Variants in RAD51C observed in about 807,000 individuals in gnomAD.
RAD51C encodes DNA repair protein RAD51 homolog 3.
In RAD51C, 42 loss-of-function variants were observed where a neutral mutation model predicts 45.0. The ratio of observed to expected loss-of-function variants is 0.93; its 90% CI spans 0.73 to 1.21. RAD51C has a LOEUF of 1.21. RAD51C is among the 50% of genes most tolerant of loss of function. RAD51C has a pLI of 0.00. For missense variants in RAD51C, 474 were observed against 452.2 expected (o/e 1.05, Z -0.44); for synonymous variants, 172 against 159.8 (o/e 1.08, Z -0.58).
At chr17:58,692,906 C>T (rs1043707871) in intron 1 of RAD51C, 118 bp downstream of exon 1, 5 of 1,463,034 alleles carry the variant, frequency 3.4e-6, no homozygotes, top group Admixed American at 3.5e-5. Context: ...CCTCCCACGT[C>T]CATGTTTACA....
chr17:58,713,216 A>G (rs2048618911), intron 5 of RAD51C, among the ~76,000 whole-genome samples: 1 of 152,190 alleles, frequency 6.6e-6, no homozygotes, highest in African/African-American at 2.4e-5. Context: ...TATTGTGAAC[A>G]TCTTTCCATG....
intron 5 of RAD51C, among the ~76,000 whole-genome samples, chr17:58,713,774 C>T (rs2048636946): frequency 6.6e-6 from 1 of 152,074 alleles, no homozygotes; most frequent in Non-Finnish European, 1.5e-5. Flanking sequence ...CACTGTTGCA[C>T]TCCAGCCTGG....
intron 5 of RAD51C, among the ~76,000 whole-genome samples, chr17:58,717,317 C>G (rs576158453): frequency 6.6e-6 from 1 of 152,272 alleles, no homozygotes; most frequent in African/African-American, 2.4e-5. Flanking sequence ...ATAGTTCTAG[C>G]TACTGGGGAA....
At chr17:58,694,224 AC>A (rs28363302) in intron 1 of RAD51C, 22,185 of 152,214 alleles carry the variant, frequency 0.15, 2,491 homozygotes, top group East Asian at 0.31. Flanking sequence ...TTAAAGTTGT[AC>A]CTTGTTTTAG....
chr17:58,703,247 TTTA>T lies in RAD51C; in HGVS notation c.629_631del (p.Tyr210del). The T allele has an allele frequency of 6.2e-7, 1 of 1,608,124 alleles. No individual in the cohort carries two copies. Among genetic ancestry groups the T allele is most frequent in the Non-Finnish European group, 8.5e-7 (1 of 1,174,666 alleles). On this transcript the variant is annotated inframe_deletion, in exon 4 of 9. Coordinates refer to ENST00000337432, the MANE Select transcript of RAD51C (RefSeq NM_058216.3). ...ACTCTTGATAATATTCTTTCTCATA[TTTA>T]TTATTTTCGCTGTCGTGACTACACA...
At chr17:58,730,600 G>A (rs1484534271) in intron 7 of RAD51C, among the ~76,000 whole-genome samples, 3 of 152,106 alleles carry the variant, frequency 2.0e-5, no homozygotes, top group African/African-American at 7.2e-5. Flanking sequence ...TTTGAATTGT[G>A]TCTGAGAAGA....
At chr17:58,721,368 A>G (rs1013590607) in intron 6 of RAD51C, among the ~76,000 whole-genome samples, 1 of 152,228 alleles carries the variant, frequency 6.6e-6, no homozygotes. Flanking sequence ...AGGAAAGGTG[A>G]ATCCACTTAA....
intron 5 of RAD51C, among the ~76,000 whole-genome samples, chr17:58,714,487 C>G (rs1232653992): frequency 6.6e-6 from 1 of 152,138 alleles, no homozygotes; most frequent in Non-Finnish European, 1.5e-5. Context: ...GAGACGGAGT[C>G]TCGCTCTGTC....
intron 7 of RAD51C, among the ~76,000 whole-genome samples, chr17:58,730,164 C>CTTTTTT (rs35483724): frequency 1.6e-5 from 2 of 121,910 alleles, no homozygotes; most frequent in Middle Eastern, 4.9e-3. Flanking sequence ...CACAGCTGTT[C>CTTTTTT]TTTTTTTTTT....
intron 4 of RAD51C, among the ~76,000 whole-genome samples, chr17:58,705,601 G>A (rs1296831673): frequency 6.6e-6 from 1 of 151,884 alleles, no homozygotes; most frequent in Non-Finnish European, 1.5e-5. Flanking sequence ...CAAAGTGCTG[G>A]GATTACAGGC....
chr17:58,697,007 C>A (rs1329095582), intron 3 of RAD51C, 148 bp downstream of exon 3: 1 of 1,007,906 alleles, frequency 9.9e-7, no homozygotes, highest in Non-Finnish European at 1.5e-6. Flanking sequence ...ACTACTGTTA[C>A]AAAATGAGAA....
intron 5 of RAD51C, among the ~76,000 whole-genome samples, chr17:58,716,396 T>C (rs994784142): frequency 6.6e-6 from 1 of 152,198 alleles, no homozygotes; most frequent in Non-Finnish European, 1.5e-5. Flanking sequence ...AGTAGCTGCA[T>C]GACTGTTCAG....
chr17:58,722,804 C>T (rs983117023), intron 6 of RAD51C, among the ~76,000 whole-genome samples: 2 of 152,206 alleles, frequency 1.3e-5, no homozygotes, highest in African/African-American at 4.8e-5. Context: ...ATCAAAATCT[C>T]ATTCCTACCC....
intron 5 of RAD51C, among the ~76,000 whole-genome samples, chr17:58,719,349 A>G (rs2048839716): frequency 6.6e-6 from 1 of 151,784 alleles, no homozygotes; most frequent in South Asian, 2.1e-4. Flanking sequence ...AGTAGCTGGG[A>G]CTACAGTTGT....
chr17:58,700,512 G>C (rs532602443), intron 3 of RAD51C, among the ~76,000 whole-genome samples: 1 of 151,698 alleles, frequency 6.6e-6, no homozygotes, highest in African/African-American at 2.4e-5. Context: ...GCGCGATCTG[G>C]GCTCACTGCA....
intron 3 of RAD51C, among the ~76,000 whole-genome samples, chr17:58,698,590 A>G (rs2048102719): frequency 6.6e-6 from 1 of 151,426 alleles, no homozygotes; most frequent in African/African-American, 2.4e-5. Context: ...CGGCCTCCCA[A>G]AGTGCTGGGA....
At chr17:58,697,525 G>A (rs2048059540) in intron 3 of RAD51C, among the ~76,000 whole-genome samples, 2 of 118,748 alleles carry the variant, frequency 1.7e-5, no homozygotes, top group Admixed American at 1.0e-4. Flanking sequence ...AACAGAGTGA[G>A]ACTACTCTGT....
chr17:58,710,225 T>C (rs2048509243), intron 5 of RAD51C, among the ~76,000 whole-genome samples: 1 of 148,922 alleles, frequency 6.7e-6, no homozygotes, highest in Admixed American at 6.8e-5. Flanking sequence ...CTCGTGCCTG[T>C]AATCCCAGCA....
chr17:58,716,488 A>C (rs2048741771), intron 5 of RAD51C, among the ~76,000 whole-genome samples: 1 of 152,056 alleles, frequency 6.6e-6, no homozygotes, highest in Non-Finnish European at 1.5e-5. Flanking sequence ...TTTGAGATGG[A>C]GTCTCACTCT....
Sources: gnomAD v4.1 joint callset for allele counts (sites outside exome capture counted in the v4.1 genomes callset) on GRCh38, gnomAD v4.1.1 for gene constraint, MANE v1.5 for transcripts, NCBI Gene and HGNC (gene_info 2026-07-23, HGNC 2026-07-21) for gene names.